The following GRM3 variants were observed in gnomAD, a reference collection of about 807,000 sequenced individuals.
GRM3 encodes the protein glutamate metabotropic receptor 3.
Under a neutral mutation model 70.5 loss-of-function variants are expected in GRM3, and 26 were observed. The ratio of observed to expected loss-of-function variants is 0.37; its 90% CI spans 0.27 to 0.51. GRM3 has a LOEUF of 0.51. Ranked by LOEUF, GRM3 falls within the 20% of genes least tolerant of loss-of-function variation. The pLI, the probability that GRM3 is intolerant of heterozygous loss-of-function variation, is 0.93. For missense variants in GRM3, 859 were observed against 1,123.8 expected (o/e 0.76, Z 3.37); for synonymous variants, 443 against 434.9 (o/e 1.02, Z -0.23).
At chr7:86,767,709 C>T (rs933358024) in intron 2 of GRM3, among the ~76,000 whole-genome samples, 1 of 151,714 alleles carries the variant, frequency 6.6e-6, no homozygotes, top group Non-Finnish European at 1.5e-5. Flanking sequence ...CTTTTTCTCA[C>T]CTTAGTTTCT....
Position 86,839,261 on chromosome 7 carries a change from A to G in GRM3, c.1747A>G (p.Ile583Val). ...EDAWAIGPVT[I>V]ACLGFMCTCM... ...CGCCTGGGCCATTGGCCCAGTCACC[A>G]TTGCCTGTCTGGGTTTTATGTGTAC... Residue 583 changes from isoleucine to valine, a missense_variant, in exon 4 of 6, where the codon ATT becomes GTT. Coordinates refer to ENST00000361669, the MANE Select transcript of GRM3 (RefSeq NM_000840.3). The surrounding 1 kb of genome is among the most constrained non-coding windows in gnomAD (Gnocchi z 4.5). 1.2e-6 allele frequency: 2 copies of G among 1,613,722 alleles called. No individual in the cohort carries two copies. The highest frequency in any genetic ancestry group is 1.1e-5 in the South Asian group (1 of 91,062).
At position 86,772,185 on chromosome 7, in the gene GRM3, A is replaced by G. The variant is rs1215775873; in HGVS notation, c.468+6572A>G. ...ATAGTGTCTCAACCAGGTAGAGAGT[A>G]AGTCTTTGTTGAATGAATTGAAAGA... On this transcript the variant is annotated intron_variant, in intron 2 of 5. Coordinates refer to ENST00000361669, the MANE Select transcript of GRM3 (RefSeq NM_000840.3). Among the ~76,000 whole-genome samples, 4 of 152,132 alleles carry G rather than the reference A, an allele frequency of 2.6e-5. No homozygotes were observed. The East Asian group carries it at 7.7e-4, about 29-fold the overall frequency.
In GRM3 at chr7:86,648,248, C is replaced by A. The variant is rs145196102; in HGVS notation, c.-141+3376C>A. ...TGTAAGAATTAAGAAATTACCTTTT[C>A]TGATGTTAATGACCTATGTGAATAT... On this transcript the variant is annotated intron_variant, in intron 1 of 5. Transcript: ENST00000361669. 7.0e-3 allele frequency among the ~76,000 whole-genome samples: 1,061 copies of A among 152,242 alleles called. 18 individuals carry two copies. Among genetic ancestry groups the A allele is most frequent in the African/African-American group, 0.024 (996 of 41,536 alleles).
chr7:86,861,910 C>A (rs538267727), intron 5 of GRM3, among the ~76,000 whole-genome samples: 1 of 152,290 alleles, frequency 6.6e-6, no homozygotes, highest in South Asian at 2.1e-4. Flanking sequence ...TGGTGCAGCT[C>A]TTGCAATGAT....
At chr7:86,755,951 T>C (rs75633017) in intron 1 of GRM3, among the ~76,000 whole-genome samples, 3,424 of 152,288 alleles carry the variant, frequency 0.022, 135 homozygotes, top group African/African-American at 0.077. Flanking sequence ...CTTACAGATT[T>C]TCTTCTGTAT....
chr7:86,783,317 A>C (rs915452995), intron 2 of GRM3, among the ~76,000 whole-genome samples: 1 of 152,182 alleles, frequency 6.6e-6, no homozygotes, highest in African/African-American at 2.4e-5. Context: ...GAAGGTAGAG[A>C]GGAAGCTGTG....
Position 86,650,355 on chromosome 7 carries a change from T to A in GRM3, c.-141+5483T>A, listed in dbSNP as rs990911509. Among the ~76,000 whole-genome samples, 121 of 150,132 alleles carry A rather than the reference T, an allele frequency of 8.1e-4. 1 individual carries two copies. Among genetic ancestry groups the A allele is most frequent in the African/African-American group, 2.2e-3 (89 of 39,636 alleles). On this transcript the variant is annotated intron_variant, in intron 1 of 5. Transcript: ENST00000361669. ...AATATTGCCTCACAATTTTTTAATT[T>A]ATTTATTTATTTTAATTAATTTATT...
chr7:86,801,937 T>G (rs1240700499), intron 3 of GRM3, among the ~76,000 whole-genome samples: 2 of 152,188 alleles, frequency 1.3e-5, no homozygotes, highest in Admixed American at 6.5e-5. Flanking sequence ...ATAAAAAATA[T>G]ATAAACTTCT....
intron 1 of GRM3, among the ~76,000 whole-genome samples, chr7:86,675,241 T>C (rs1794276918): frequency 6.6e-6 from 1 of 152,090 alleles, no homozygotes; most frequent in African/African-American, 2.4e-5. Flanking sequence ...AGATACACTT[T>C]AGTTCTTTCT....
intron 1 of GRM3, among the ~76,000 whole-genome samples, chr7:86,687,675 A>ACATATAG (rs1279129569): frequency 1.3e-5 from 2 of 151,948 alleles, no homozygotes; most frequent in African/African-American, 4.8e-5. Context: ...GAACTTTAGG[A>ACATATAG]AACAGTGGAA....
chr7:86,795,806 T>A (rs564515476), intron 3 of GRM3, among the ~76,000 whole-genome samples: 88 of 152,326 alleles, frequency 5.8e-4, no homozygotes, highest in African/African-American at 2.1e-3. Flanking sequence ...GTTCAAGGTC[T>A]TTGAGGAATT....
chr7:86,661,196 A>G (rs919631418), intron 1 of GRM3, among the ~76,000 whole-genome samples: 11 of 152,014 alleles, frequency 7.2e-5, no homozygotes, highest in Admixed American at 2.6e-4. Flanking sequence ...TACTCTTTCT[A>G]TTCTCTTAGT....
At chr7:86,805,251 AC>A (rs1250967816) in intron 3 of GRM3, among the ~76,000 whole-genome samples, 1 of 152,116 alleles carries the variant, frequency 6.6e-6, no homozygotes, top group Non-Finnish European at 1.5e-5. Context: ...TATATTATAG[AC>A]CTTTTTTTTA....
chr7:86,653,263 A>T (rs968590408), intron 1 of GRM3, among the ~76,000 whole-genome samples: 3 of 152,268 alleles, frequency 2.0e-5, no homozygotes, highest in Non-Finnish European at 4.4e-5. Flanking sequence ...TCATCTCCCA[A>T]AGGCCCTGTT....
chr7:86,759,357 C>A (rs1796424554), intron 1 of GRM3, among the ~76,000 whole-genome samples: 1 of 152,128 alleles, frequency 6.6e-6, no homozygotes, highest in Admixed American at 6.6e-5. Context: ...TATCCAGGGC[C>A]AAAGTTGAAT....
chr7:86,762,633 C>CAAAATAGCAAAAAGCA, intron 1 of GRM3, among the ~76,000 whole-genome samples: 1 of 152,154 alleles, frequency 6.6e-6, no homozygotes, highest in East Asian at 1.9e-4. Context: ...ATAGCAATAG[C>CAAAATAGCAAAAAGCA]AAACATTTCT....
At chr7:86,715,589 A>G (rs1163856868) in intron 1 of GRM3, among the ~76,000 whole-genome samples, 1 of 152,026 alleles carries the variant, frequency 6.6e-6, no homozygotes, top group African/African-American at 2.4e-5. Context: ...AGAACCTGAC[A>G]CAGCACCTAA....
At chr7:86,837,428 A>G (rs1403450421) in intron 3 of GRM3, among the ~76,000 whole-genome samples, 3 of 152,200 alleles carry the variant, frequency 2.0e-5, no homozygotes, top group Non-Finnish European at 4.4e-5. Context: ...AAGACAGCCA[A>G]TACTCACAGG....
intron 4 of GRM3, among the ~76,000 whole-genome samples, chr7:86,848,857 TC>T (rs1798706153): frequency 6.6e-6 from 1 of 152,124 alleles, no homozygotes; most frequent in African/African-American, 2.4e-5. Flanking sequence ...ATTCAGGGCA[TC>T]CTCTTCCTGC....
Sources: gnomAD v4.1 joint callset for allele counts (sites outside exome capture counted in the v4.1 genomes callset) on GRCh38, gnomAD v4.1.1 for gene constraint, Gnocchi (gnomAD v3.1) non-coding constraint, MANE v1.5 for transcripts, NCBI Gene and HGNC (gene_info 2026-07-23, HGNC 2026-07-21) for gene names.